Variants in ZNF568 observed in about 807,000 individuals in gnomAD.
ZNF568 encodes p53 inhibitor of SCO2 activation.
In ZNF568, 11 loss-of-function variants were observed where a neutral mutation model predicts 18.1. The ratio of observed to expected loss-of-function variants is 0.61; its 90% CI spans 0.38 to 1.00. ZNF568 has a LOEUF of 1.00. Ranked by LOEUF, ZNF568 falls within the 50% of genes least tolerant of loss-of-function variation. ZNF568 has a pLI of 0.01. For synonymous variants in ZNF568, 213 were observed against 246.6 expected, an observed-to-expected ratio of 0.86 and a Z score of 1.28; for missense variants, 639 against 768.2, an observed-to-expected ratio of 0.83 and a Z score of 1.99.
chr19:36,980,810 G>C (rs10403679), downstream of ZNF568, among the ~76,000 whole-genome samples: 50,904 of 151,906 alleles, frequency 0.34, 8,757 homozygotes, highest in Non-Finnish European at 0.36. Flanking sequence ...CCATGTGCAC[G>C]AACTCAGTTT....
chr19:36,929,174 A>G (rs1217185389), intron 4 of ZNF568, among the ~76,000 whole-genome samples: 1 of 152,134 alleles, frequency 6.6e-6, no homozygotes, highest in Non-Finnish European at 1.5e-5. Context: ...CCCAGAACTG[A>G]CTTGTAGTTA....
At chr19:36,947,117 G>A (rs1323700047) in intron 6 of ZNF568, among the ~76,000 whole-genome samples, 2 of 152,078 alleles carry the variant, frequency 1.3e-5, no homozygotes, top group Admixed American at 6.6e-5. Flanking sequence ...CCAGGTTCAA[G>A]CAATTCTCCT....
chr19:36,997,601 A>T (rs776550092), downstream of ZNF568: 34 of 1,551,532 alleles, frequency 2.2e-5, 1 homozygote, highest in East Asian at 8.1e-4. Context: ...CTTAGTTGAC[A>T]CCAGAAAATT....
chr19:36,996,257 G>A (rs2074470330), intron 4 of ZNF568: 2 of 1,252,396 alleles, frequency 1.6e-6, no homozygotes, highest in Admixed American at 5.8e-5. Flanking sequence ...CTACTTTCAG[G>A]ACTTTTCTTT....
intron 4 of ZNF568, among the ~76,000 whole-genome samples, chr19:36,935,255 T>C (rs1015725755): frequency 6.6e-6 from 1 of 152,144 alleles, no homozygotes; most frequent in Non-Finnish European, 1.5e-5. Context: ...TGCCTAGTTG[T>C]ATCCATTATT....
At position 36,949,934 on chromosome 19, in the gene ZNF568, A is replaced by G; in HGVS notation, c.781A>G (p.Arg261Gly). The change falls in exon 7 of 7, where the codon AGG (arginine) becomes GGG (glycine). Residue 261 changes from arginine to glycine, a missense_variant. Arg to Gly is a moderately radical substitution (Grantham distance 125). Transcript: ENST00000333987. ...TAAAGAATGTGGAAAAGCCTTCAGT[A>G]GGAAGGAAAATCTTATTACACATCA... Reference protein sequence around the residue: ...ECKECGKAFSRKENLITHQKI... With the variant: ...ECKECGKAFSGKENLITHQKI... 1.9e-6 allele frequency: 3 copies of G among 1,613,822 alleles called. No homozygotes were observed. Among genetic ancestry groups the G allele is most frequent in the Non-Finnish European group, 2.5e-6 (3 of 1,179,930 alleles).
At position 36,936,816 on chromosome 19, in the gene ZNF568, A is replaced by G. The variant is rs1287048027; in HGVS notation, c.206A>G (p.Gln69Arg). The G allele has an allele frequency of 1.2e-6, 2 of 1,613,950 alleles. No individual in the cohort carries two copies. Among genetic ancestry groups the G allele is most frequent in the African/African-American group, 2.7e-5 (2 of 74,942 alleles). The change falls in exon 5 of 7, where the codon CAA becomes CGA. Residue 69 changes from glutamine to arginine, a missense_variant. By Grantham distance (43) the Gln-to-Arg change is conservative. Coordinates refer to ENST00000333987, the MANE Select transcript of ZNF568 (RefSeq NM_198539.4). ...GAGTGGGAGCAAATGAAACCTGCTCAAAGAAACTTGTATCGAGATGTGATG... is the reference window on the plus strand; with the variant it reads ...GAGTGGGAGCAAATGAAACCTGCTCGAAGAAACTTGTATCGAGATGTGATG... ...QEEWEQMKPA[Q>R]RNLYRDVMLE...
intron 7 of ZNF568, among the ~76,000 whole-genome samples, chr19:36,976,681 C>T (rs139567174): frequency 0.028 from 4,187 of 152,224 alleles, 76 homozygotes; most frequent in South Asian, 0.078. Context: ...GAGGCCAAGG[C>T]GGGCGGATCA....
Position 36,951,038 on chromosome 19 carries a change from CT to C in ZNF568, c.1888del (p.Ser630LeufsTer17). The C allele has an allele frequency of 6.2e-7, 1 of 1,604,312 alleles. No homozygotes were observed. Among genetic ancestry groups the C allele is most frequent in the East Asian group, 2.2e-5 (1 of 44,824 alleles). On this transcript the variant is annotated frameshift_variant, in exon 7 of 7. Coordinates refer to ENST00000333987, the MANE Select transcript of ZNF568 (RefSeq NM_198539.4). LOFTEE classifies it low-confidence loss of function (END_TRUNC). Reference protein sequence around the residue: ...CGKAFSQRASLSIHKRGHTGE... With the variant: ...CGKAFSQRASXSIHKRGHTGE... Reference sequence around the variant, plus strand: ...GAAAGCATTCTCTCAAAGAGCATCCCTTTCTATACATAAGAGAGGTCATACA... The same window carrying C: ...GAAAGCATTCTCTCAAAGAGCATCCCTTCTATACATAAGAGAGGTCATACA...
intron 2 of ZNF568, chr19:36,990,954 C>G (rs2074418558): frequency 2.2e-6 from 1 of 454,282 alleles, no homozygotes; most frequent in Non-Finnish European, 3.9e-6. Flanking sequence ...ATGGAAGTGC[C>G]CAGAGGCTAC....
intron 6 of ZNF568, among the ~76,000 whole-genome samples, chr19:36,957,889 G>C (rs2146320253): frequency 6.6e-6 from 1 of 152,268 alleles, no homozygotes; most frequent in East Asian, 1.9e-4. Flanking sequence ...TTAAGATTCA[G>C]ATTTTGAAGG....
intron 6 of ZNF568, among the ~76,000 whole-genome samples, chr19:36,963,378 T>A (rs1206593092): frequency 6.6e-6 from 1 of 152,216 alleles, no homozygotes; most frequent in Non-Finnish European, 1.5e-5. Context: ...CACTGATGAA[T>A]GTCAGCAGCA....
At chr19:36,924,371 A>T (rs990869969) in intron 3 of ZNF568, among the ~76,000 whole-genome samples, 8 of 151,702 alleles carry the variant, frequency 5.3e-5, no homozygotes, top group African/African-American at 1.9e-4. Flanking sequence ...GGCGCACGCC[A>T]CTACGCCCAG....
At chr19:36,997,448 C>A (rs763000383), downstream of ZNF568, 27 of 1,589,216 alleles carry the variant, frequency 1.7e-5, no homozygotes, top group African/African-American at 2.3e-4. Flanking sequence ...AAAGTTCACA[C>A]TGGGGAGAGA....
At chr19:36,927,887 T>TTATATATATATATATATATATATATTA (rs1420036962) in intron 4 of ZNF568, among the ~76,000 whole-genome samples, 1 of 39,048 alleles carries the variant, frequency 2.6e-5, no homozygotes, top group Admixed American at 4.5e-4. Flanking sequence ...TATATATATA[T>TTATATATATATATATATATATATATTA]TATATATATA....
intron 6 of ZNF568, among the ~76,000 whole-genome samples, chr19:36,972,908 C>G (rs1469416669): frequency 2.0e-5 from 3 of 152,240 alleles, no homozygotes; most frequent in African/African-American, 7.2e-5. Context: ...CCGCCCCTTC[C>G]CGGGTTTGCG....
chr19:36,945,280 G>T (rs1401759259), intron 6 of ZNF568, among the ~76,000 whole-genome samples: 36 of 147,652 alleles, frequency 2.4e-4, no homozygotes, highest in Admixed American at 2.3e-3. Context: ...AATACAATTG[G>T]CCCTCGGACA....
downstream of ZNF568, chr19:36,997,522 A>G: frequency 6.3e-7 from 1 of 1,589,354 alleles, no homozygotes; most frequent in Non-Finnish European, 8.5e-7. Context: ...ACATCATGAG[A>G]GAAGTCACAC....
At chr19:36,996,794 A>T in exon 5 of ZNF568, 1 of 1,553,800 alleles carries the variant, frequency 6.4e-7, no homozygotes, top group Non-Finnish European at 8.7e-7. Flanking sequence ...AAACCTCATA[A>T]ATGTAAGGAA....
Sources: gnomAD v4.1 joint callset for allele counts (sites outside exome capture counted in the v4.1 genomes callset) on GRCh38, gnomAD v4.1.1 for gene constraint, MANE v1.5 for transcripts, NCBI Gene and HGNC (gene_info 2026-07-23, HGNC 2026-07-21) for gene names.